KIAA1217: variants seen among roughly 807,000 people sequenced by gnomAD.
The protein encoded by KIAA1217 is sickle tail protein homolog.
KIAA1217 carries 88 observed loss-of-function variants against 163.9 expected under a neutral mutation model. That is an observed-to-expected ratio of 0.54 (90% CI 0.45 to 0.64). The LOEUF (loss-of-function observed/expected upper bound fraction) is 0.64. Ranked by LOEUF, KIAA1217 falls within the 30% of genes least tolerant of loss-of-function variation. KIAA1217 has a pLI of 0.00. For missense variants in KIAA1217, 2,372 were observed against 2,475.0 expected (o/e 0.96, Z 0.88); for synonymous variants, 903 against 923.1 (o/e 0.98, Z 0.39).
At chr10:23,953,544 C>T (rs1844432371) in intron 1 of KIAA1217, among the ~76,000 whole-genome samples, 1 of 152,152 alleles carries the variant, frequency 6.6e-6, no homozygotes, top group African/African-American at 2.4e-5. Context: ...TGTAGTCTTC[C>T]CCTGTTGCCA....
At chr10:23,805,832 A>G (rs780574343) in intron 1 of KIAA1217, among the ~76,000 whole-genome samples, 14 of 151,664 alleles carry the variant, frequency 9.2e-5, no homozygotes, top group Non-Finnish European at 1.8e-4. Flanking sequence ...TGGCAAACAT[A>G]GTGAAACCCC....
chr10:24,502,457 T>C (rs1010674794), intron 9 of KIAA1217, among the ~76,000 whole-genome samples: 2 of 152,132 alleles, frequency 1.3e-5, no homozygotes, highest in African/African-American at 4.8e-5. Context: ...TCAGGATAAG[T>C]GACCCTTCAG....
chr10:24,072,095 A>T (rs532426950), intron 2 of KIAA1217, among the ~76,000 whole-genome samples: 2 of 152,204 alleles, frequency 1.3e-5, no homozygotes, highest in South Asian at 4.1e-4. Flanking sequence ...GTGTGACCAT[A>T]GCTTATTGCA....
At chr10:24,168,609 TGATA>T (rs1564782440) in intron 2 of KIAA1217, among the ~76,000 whole-genome samples, 1 of 152,196 alleles carries the variant, frequency 6.6e-6, no homozygotes, top group East Asian at 1.9e-4. Flanking sequence ...CTTTTCTGTA[TGATA>T]AAGTGAGGTG....
intron 1 of KIAA1217, among the ~76,000 whole-genome samples, chr10:23,875,475 T>G (rs1315036508): frequency 6.6e-6 from 1 of 151,986 alleles, no homozygotes; most frequent in Non-Finnish European, 1.5e-5. Flanking sequence ...TCTAAAAAGT[T>G]TTCCCCATGA....
chr10:23,975,413 C>A (rs1845499597), intron 1 of KIAA1217, among the ~76,000 whole-genome samples: 1 of 152,186 alleles, frequency 6.6e-6, no homozygotes, highest in Non-Finnish European at 1.5e-5. Context: ...GAGCTTCTTC[C>A]AAATTTTTCT....
rs577386422 is a variant in KIAA1217 at position 24,037,152 on chromosome 10, C to T, written c.-171+29778C>T. Among the ~76,000 whole-genome samples, 15 of 152,050 alleles carry T rather than the reference C, an allele frequency of 9.9e-5. No individual in the cohort carries two copies. In the East Asian group the frequency reaches 2.9e-3, roughly 29 times the overall value. ...TAGGTCATTGTGGGGAGATACTAGCCTAGAAGGGACCACACATAGGAATAA... is the reference window on the plus strand; with the variant it reads ...TAGGTCATTGTGGGGAGATACTAGCTTAGAAGGGACCACACATAGGAATAA... On this transcript the variant is annotated intron_variant, in intron 2 of 18. Coordinates refer to the KIAA1217 transcript ENST00000376462.
At chr10:24,074,102 G>C (rs1040518900) in intron 2 of KIAA1217, among the ~76,000 whole-genome samples, 1 of 152,130 alleles carries the variant, frequency 6.6e-6, no homozygotes, top group African/African-American at 2.4e-5. Flanking sequence ...CCAGCACTTT[G>C]GGAGGCCCAG....
chr10:23,796,219 T>C (rs1836195351), intron 1 of KIAA1217, among the ~76,000 whole-genome samples: 1 of 152,192 alleles, frequency 6.6e-6, no homozygotes, highest in African/African-American at 2.4e-5. Flanking sequence ...GTCTGGGTTC[T>C]GAGAGTCTTG....
chr10:24,207,344 C>T (rs1034012051), upstream of KIAA1217, among the ~76,000 whole-genome samples: 1 of 151,914 alleles, frequency 6.6e-6, no homozygotes, highest in African/African-American at 2.4e-5. Flanking sequence ...CCTCCCCACT[C>T]TTCCTAGCAT....
At chr10:23,848,162 G>A (rs1371423171) in intron 1 of KIAA1217, among the ~76,000 whole-genome samples, 1 of 152,078 alleles carries the variant, frequency 6.6e-6, no homozygotes, top group Non-Finnish European at 1.5e-5. Flanking sequence ...TAAGTGTGAT[G>A]AGGTGCTGAG....
Position 23,988,217 on chromosome 10 carries a change from T to C in KIAA1217, c.-320-19008T>C, listed in dbSNP as rs547056374. Among the ~76,000 whole-genome samples the C allele has an allele frequency of 2.0e-5, 3 of 152,322 alleles. No individual in the cohort carries two copies. In the South Asian group the frequency reaches 6.2e-4, roughly 32 times the overall value. The stretch of plus-strand genomic sequence containing the variant: ...GATTAGTTTCTGCCAATGAGAAGCA[T>C]TCTCACAAAGTTTGGAAGACAGGCA... On this transcript the variant is annotated intron_variant, in intron 1 of 18. Coordinates refer to the KIAA1217 transcript ENST00000376462.
chr10:24,270,342 G>C (rs1345807449), intron 2 of KIAA1217, among the ~76,000 whole-genome samples: 1 of 152,084 alleles, frequency 6.6e-6, no homozygotes, highest in Non-Finnish European at 1.5e-5. Flanking sequence ...CACTTACTGG[G>C]TTTCCATAAT....
At chr10:24,516,081 A>T (rs918881218) in intron 10 of KIAA1217, among the ~76,000 whole-genome samples, 2 of 152,224 alleles carry the variant, frequency 1.3e-5, no homozygotes, top group African/African-American at 4.8e-5. Context: ...TAAAACAAGA[A>T]AGAAGAAAGA....
At chr10:24,448,358 A>C (rs2061134037) in intron 5 of KIAA1217, among the ~76,000 whole-genome samples, 1 of 151,990 alleles carries the variant, frequency 6.6e-6, no homozygotes, top group African/African-American at 2.4e-5. Flanking sequence ...TTTATAATTC[A>C]CTAGGAGAAA....
At position 23,836,266 on chromosome 10, in the gene KIAA1217, G is replaced by A. The variant is rs149626645; in HGVS notation, c.-321+141032G>A. On this transcript the variant is annotated intron_variant, in intron 1 of 18. Transcript: ENST00000376462. ...TTGTTTTATTGCCATGTTTTGTTTC[G>A]TAGTTTATTGTTATGGGTAGTTTAT... is the stretch of plus-strand genomic sequence containing the variant. Among the ~76,000 whole-genome samples, 30 of 152,010 alleles carry A rather than the reference G, an allele frequency of 2.0e-4. No homozygotes were observed. The East Asian group carries it at 2.3e-3, about 12-fold the overall frequency.
At chr10:24,263,563 C>T (rs774598120) in intron 2 of KIAA1217, among the ~76,000 whole-genome samples, 6 of 152,192 alleles carry the variant, frequency 3.9e-5, no homozygotes, top group Non-Finnish European at 7.3e-5. Flanking sequence ...ACATTTTAAC[C>T]TCTCAATGCC....
At chr10:23,820,258 G>C (rs1837558107) in intron 1 of KIAA1217, among the ~76,000 whole-genome samples, 1 of 152,110 alleles carries the variant, frequency 6.6e-6, no homozygotes, top group African/African-American at 2.4e-5. Context: ...TTATCTCACA[G>C]AGCTTCACAT....
At chr10:24,264,420 A>G (rs1293730151) in intron 2 of KIAA1217, among the ~76,000 whole-genome samples, 2 of 152,168 alleles carry the variant, frequency 1.3e-5, no homozygotes, top group East Asian at 3.9e-4. Context: ...GACAAAGCAG[A>G]CAGACACAGA....
Sources: allele counts gnomAD v4.1 joint callset (sites outside exome capture counted in the v4.1 genomes callset), GRCh38; gene constraint gnomAD v4.1.1; transcripts MANE v1.5; gene names NCBI Gene and HGNC (gene_info 2026-07-23, HGNC 2026-07-21).